The following PKHD1 variants were observed in gnomAD, a reference collection of about 807,000 sequenced individuals.
PKHD1 encodes PKHD1 ciliary IPT domain containing fibrocystin/polyductin.
A neutral mutation model predicts 412.0 loss-of-function variants in PKHD1; 291 were observed. The observed-to-expected ratio is 0.71, with a 90% CI of 0.64 to 0.78. The LOEUF is 0.78. PKHD1 is among the 30% of genes least tolerant of loss of function. The pLI, the probability that PKHD1 is intolerant of heterozygous loss-of-function variation, is 0.00. For missense variants in PKHD1, 4,825 were observed against 4,950.7 expected, an observed-to-expected ratio of 0.97 and a Z score of 0.76; for synonymous variants, 1,777 against 1,821.5, an observed-to-expected ratio of 0.98 and a Z score of 0.62.
chr6:52,009,260 T>C (rs920053939), intron 35 of PKHD1, among the ~76,000 whole-genome samples: 1 of 152,138 alleles, frequency 6.6e-6, no homozygotes, highest in Non-Finnish European at 1.5e-5. Flanking sequence ...GAGTGGACAG[T>C]TGAGGACCCA....
chr6:51,620,298 A>C (rs754137043), intron 66 of PKHD1, among the ~76,000 whole-genome samples: 2 of 152,212 alleles, frequency 1.3e-5, no homozygotes, highest in Non-Finnish European at 2.9e-5. Context: ...CCTAAACATC[A>C]ACTCAGAAGA....
intron 29 of PKHD1, among the ~76,000 whole-genome samples, chr6:52,031,836 A>G (rs1241447715): frequency 3.9e-5 from 6 of 152,244 alleles, no homozygotes; most frequent in African/African-American, 1.4e-4. Flanking sequence ...AAATACAAGT[A>G]TAAATTTTGA....
rs755432971 is a variant in PKHD1, at chr6:52,054,027, C to A, written c.1964+11G>T. Reference sequence around the variant, plus strand: ...CTGAATTCCCACCACGCCTCCCCACCGATTAGCTACCTCTCGGGGCTGGTC... The same window carrying A: ...CTGAATTCCCACCACGCCTCCCCACAGATTAGCTACCTCTCGGGGCTGGTC... On this transcript the variant is annotated intron_variant, in intron 20 of 66. Coordinates refer to ENST00000371117, the MANE Select transcript of PKHD1 (RefSeq NM_138694.4). 1 of 1,613,806 alleles carries A rather than the reference C, an allele frequency of 6.2e-7. No individual in the cohort carries two copies. Among genetic ancestry groups the A allele is most frequent in the African/African-American group, 1.3e-5 (1 of 75,022 alleles).
intron 46 of PKHD1, among the ~76,000 whole-genome samples, chr6:51,872,653 C>T (rs1317260589): frequency 6.6e-6 from 1 of 152,086 alleles, no homozygotes; most frequent in Non-Finnish European, 1.5e-5. Flanking sequence ...AGGTGATCTG[C>T]ACACCTCGGC....
chr6:51,770,747 T>C (rs6932827), intron 55 of PKHD1, among the ~76,000 whole-genome samples: 27,980 of 151,914 alleles, frequency 0.18, 3,384 homozygotes, highest in African/African-American at 0.34. Flanking sequence ...TTAACTCATA[T>C]TTACCTCCTA....
chr6:51,883,090 T>TA lies in PKHD1; in HGVS notation c.7350+2dup, dbSNP rs1777634307. ...CCTAAAACAACCACACTAAGGCACT[T>TA]ACCTTGTGGGCAAAATGACCAAGTA... On this transcript the variant is annotated splice_region_variant and intron_variant, in intron 46 of 66. Transcript: ENST00000371117. 1 of 1,612,706 alleles carries TA rather than the reference T, an allele frequency of 6.2e-7. No homozygotes were observed. Among genetic ancestry groups the TA allele is most frequent in the African/African-American group, 1.3e-5 (1 of 74,900 alleles).
At chr6:51,883,002 T>C in intron 46 of PKHD1, 91 bp downstream of exon 46, 1 of 961,412 alleles carries the variant, frequency 1.0e-6, no homozygotes, top group Non-Finnish European at 1.7e-6. Context: ...AAGAATGCTA[T>C]TAAAATTGCA....
intron 48 of PKHD1, among the ~76,000 whole-genome samples, chr6:51,866,650 T>C (rs143580593): frequency 6.6e-6 from 1 of 152,160 alleles, no homozygotes; most frequent in Non-Finnish European, 1.5e-5. Flanking sequence ...TATAGAAGCA[T>C]ATAATGTTCC....
chr6:51,912,008 T>G, intron 38 of PKHD1, 52 bp from the exon 39 acceptor site: 2 of 1,377,304 alleles, frequency 1.5e-6, no homozygotes, highest in Non-Finnish European at 2.0e-6. Flanking sequence ...CAAATCTTAC[T>G]AGGAATAATA....
At chr6:51,930,428 G>A (rs1267454284) in intron 37 of PKHD1, among the ~76,000 whole-genome samples, 2 of 152,126 alleles carry the variant, frequency 1.3e-5, no homozygotes, top group African/African-American at 2.4e-5. Flanking sequence ...AAGGGTGTGG[G>A]ACTTTTCCTA....
intron 60 of PKHD1, among the ~76,000 whole-genome samples, chr6:51,719,525 T>A (rs1781660140): frequency 6.6e-6 from 1 of 152,128 alleles, no homozygotes; most frequent in Admixed American, 6.6e-5. Flanking sequence ...AAAAATGTCA[T>A]CAAATACTGC....
At chr6:51,664,028 T>C (rs1031875826) in intron 60 of PKHD1, among the ~76,000 whole-genome samples, 4 of 152,166 alleles carry the variant, frequency 2.6e-5, no homozygotes, top group Non-Finnish European at 4.4e-5. Context: ...TTATGACAGG[T>C]AACTTCCAAG....
chr6:52,046,360 T>C (rs959006866), intron 23 of PKHD1, among the ~76,000 whole-genome samples, 172 bp from the exon 24 acceptor site: 1 of 152,196 alleles, frequency 6.6e-6, no homozygotes, highest in Non-Finnish European at 1.5e-5. Flanking sequence ...AACCATTTTT[T>C]CCTAAGGTAA....
chr6:51,964,007 A>C (rs923485515), intron 35 of PKHD1, among the ~76,000 whole-genome samples: 5 of 152,054 alleles, frequency 3.3e-5, no homozygotes, highest in African/African-American at 1.2e-4. Context: ...GAGATACAAG[A>C]ATTGCCCAGA....
intron 60 of PKHD1, among the ~76,000 whole-genome samples, chr6:51,698,661 A>G (rs1443937394): frequency 2.6e-5 from 4 of 152,196 alleles, no homozygotes; most frequent in African/African-American, 7.2e-5. Context: ...AAATCTCAGC[A>G]GTAAGAAAAT....
intron 32 of PKHD1, 142 bp from the exon 33 acceptor site, chr6:52,023,086 G>T: frequency 2.2e-6 from 2 of 913,306 alleles, no homozygotes; most frequent in Non-Finnish European, 3.5e-6. Context: ...TGAGGTGGCT[G>T]CTGGCCTCAG....
intron 36 of PKHD1, among the ~76,000 whole-genome samples, chr6:51,955,511 G>T (rs1790989453): frequency 6.6e-6 from 1 of 151,992 alleles, no homozygotes; most frequent in African/African-American, 2.4e-5. Context: ...TATGAGTAAG[G>T]CACAGAGAGT....
chr6:51,630,292 G>A (rs917819841), intron 65 of PKHD1, among the ~76,000 whole-genome samples: 12 of 152,078 alleles, frequency 7.9e-5, no homozygotes, highest in African/African-American at 2.9e-4. Context: ...TCTGACTGAG[G>A]CTGGTTTTCT....
chr6:51,905,332 G>A lies in PKHD1; in HGVS notation c.6808+883C>T, dbSNP rs1042375376. Among the ~76,000 whole-genome samples, 14 of 152,090 alleles carry A rather than the reference G, an allele frequency of 9.2e-5. 1 individual carries two copies. The highest frequency in any genetic ancestry group is 7.2e-4 in the Admixed American group (11 of 15,264). On this transcript the variant is annotated intron_variant, in intron 41 of 66. Transcript: ENST00000371117. ...GGAGACAATGTCCTCAAGAAATCCG[G>A]TGGTATAAAGACATTAATCAGATGA...
Sources: gnomAD v4.1 joint callset for allele counts (sites outside exome capture counted in the v4.1 genomes callset) on GRCh38, gnomAD v4.1.1 for gene constraint, MANE v1.5 for transcripts, NCBI Gene and HGNC (gene_info 2026-07-23, HGNC 2026-07-21) for gene names.